Variants in AOPEP observed in about 807,000 individuals in gnomAD.
AOPEP encodes the protein aminopeptidase O.
AOPEP carries 77 observed loss-of-function variants against 98.1 expected under a neutral mutation model. The observed-to-expected ratio is 0.78, with a 90% confidence interval of 0.65 to 0.95. AOPEP has a LOEUF of 0.95. Ranked by LOEUF, AOPEP falls within the 40% of genes least tolerant of loss-of-function variation. The pLI, the probability that AOPEP is intolerant of heterozygous loss-of-function variation, is 0.00. For synonymous variants in AOPEP, 346 were observed against 365.3 expected, an observed-to-expected ratio of 0.95 and a Z score of 0.60; for missense variants, 1,024 against 1,024.7, an observed-to-expected ratio of 1.00 and a Z score of 0.01.
At chr9:94,766,000 G>A (rs1839520548) in intron 2 of AOPEP, among the ~76,000 whole-genome samples, 1 of 152,124 alleles carries the variant, frequency 6.6e-6, no homozygotes, top group South Asian at 2.1e-4. Context: ...TCTGTGGTAC[G>A]CGGGTCTGTG....
chr9:95,057,026 C>T (rs980657929), intron 13 of AOPEP, among the ~76,000 whole-genome samples: 2 of 152,136 alleles, frequency 1.3e-5, no homozygotes, highest in African/African-American at 4.8e-5. Context: ...TCATGAATTT[C>T]TTGTTTATGC....
the AOPEP span, among the ~76,000 whole-genome samples, chr9:95,108,834 A>C: frequency 2.0e-5 from 3 of 151,940 alleles, no homozygotes; most frequent in African/African-American, 4.8e-5. Context: ...AATGCCTTGT[A>C]TCTTTCATTT....
the AOPEP span, chr9:95,100,869 A>G: frequency 4.3e-6 from 1 of 231,472 alleles, no homozygotes; most frequent in Non-Finnish European, 8.5e-6. Flanking sequence ...GGCTGAAGTA[A>G]TCCCCCTGCC....
the AOPEP span, chr9:95,123,733 A>G: frequency 2.9e-6 from 2 of 691,590 alleles, no homozygotes; most frequent in Non-Finnish European, 2.7e-6. Flanking sequence ...ATTTGAAGCT[A>G]CATTACTGTC....
At chr9:94,903,798 A>G (rs10761363) in intron 5 of AOPEP, among the ~76,000 whole-genome samples, 143,474 of 150,746 alleles carry the variant, frequency 0.95, 68,296 homozygotes, top group Middle Eastern at 0.99. Flanking sequence ...GGAGGCTAAG[A>G]CAGGAGAATT....
At position 94,800,892 on chromosome 9, in the gene AOPEP, G is replaced by C. The variant is rs1176737224; in HGVS notation, c.1254G>C (p.Arg418=). 2.5e-6 allele frequency: 4 copies of C among 1,614,022 alleles called. No homozygotes were observed. Residue 418 remains arginine, a synonymous_variant, in exon 5 of 17, where the codon CGG becomes CGC. Coordinates refer to ENST00000375315, the MANE Select transcript of AOPEP (RefSeq NM_001193329.3). ...LTGACQETLL[R]LIPPCLSAAH... is the part of the protein sequence containing the mutation. ...GTGCCTGCCAAGAGACCCTTCTGCG[G>C]CTGATCCCTCCTTGCCTCTCAGCAG...
chr9:95,125,974 C>T, the AOPEP span, among the ~76,000 whole-genome samples: 1 of 152,214 alleles, frequency 6.6e-6, no homozygotes, highest in South Asian at 2.1e-4. Flanking sequence ...CACATCTCAG[C>T]TTCATGGCTG....
At chr9:94,843,862 T>C (rs2134918789) in intron 5 of AOPEP, among the ~76,000 whole-genome samples, 1 of 152,330 alleles carries the variant, frequency 6.6e-6, no homozygotes, top group South Asian at 2.1e-4. Context: ...ATCTCATGTA[T>C]GCCTTGGTGT....
At chr9:95,025,915 G>A (rs2063800388) in intron 13 of AOPEP, among the ~76,000 whole-genome samples, 1 of 152,164 alleles carries the variant, frequency 6.6e-6, no homozygotes, top group South Asian at 2.1e-4. Context: ...GCAGTAATAA[G>A]TAAGCTCCGA....
chr9:95,107,206 G>C, the AOPEP span: 1 of 1,614,182 alleles, frequency 6.2e-7, no homozygotes, highest in Non-Finnish European at 8.5e-7. Context: ...TGCAGGTCCT[G>C]GGCTGAGAGG....
chr9:94,877,252 G>A (rs1289741969), intron 5 of AOPEP, among the ~76,000 whole-genome samples: 1 of 152,102 alleles, frequency 6.6e-6, no homozygotes, highest in Non-Finnish European at 1.5e-5. Flanking sequence ...GGAAAAGAGG[G>A]TTACCTAGTT....
intron 7 of AOPEP, among the ~76,000 whole-genome samples, chr9:94,944,378 A>G (rs1008364125): frequency 6.6e-6 from 1 of 152,212 alleles, no homozygotes; most frequent in African/African-American, 2.4e-5. Context: ...TGTTATATCC[A>G]TACAGTGGAA....
chr9:95,016,003 C>T (rs868670106), intron 13 of AOPEP, among the ~76,000 whole-genome samples: 3 of 151,786 alleles, frequency 2.0e-5, no homozygotes, highest in Non-Finnish European at 4.4e-5. Context: ...TGCCTGGCCC[C>T]GGAAATTGAT....
chr9:95,138,305 T>C, the AOPEP span, among the ~76,000 whole-genome samples: 1 of 152,200 alleles, frequency 6.6e-6, no homozygotes, highest in Non-Finnish European at 1.5e-5. Context: ...GCAGCTTTAC[T>C]GGGTGGGCCA....
intron 5 of AOPEP, among the ~76,000 whole-genome samples, chr9:94,902,785 G>A (rs749513164): frequency 2.5e-4 from 38 of 150,334 alleles, no homozygotes; most frequent in Non-Finnish European, 4.7e-4. Context: ...GCCGGGCACC[G>A]TGGCTCACAC....
chr9:94,806,978 G>A (rs1849391559), intron 5 of AOPEP, among the ~76,000 whole-genome samples: 1 of 152,192 alleles, frequency 6.6e-6, no homozygotes, highest in Admixed American at 6.5e-5. Flanking sequence ...CCAGACTTAG[G>A]CAAGGCTGAT....
At chr9:94,917,075 C>T (rs192125987) in intron 5 of AOPEP, among the ~76,000 whole-genome samples, 9 of 151,696 alleles carry the variant, frequency 5.9e-5, no homozygotes, top group Non-Finnish European at 1.0e-4. Flanking sequence ...ACCCCACCCC[C>T]AGGCTAAGGC....
chr9:95,112,764 T>C, the AOPEP span, among the ~76,000 whole-genome samples: 1 of 152,212 alleles, frequency 6.6e-6, no homozygotes, highest in Non-Finnish European at 1.5e-5. Context: ...CACCAGTAGC[T>C]GAATGCACAA....
Position 94,999,679 on chromosome 9 carries a change from A to G in AOPEP, c.1978-5479A>G, listed in dbSNP as rs1039133638. ...ACAGAGTGCCCATAAGACCAAGTCC[A>G]GGGCCAGCTTTAAAAGTGGTCTGGC... On this transcript the variant is annotated intron_variant, in intron 11 of 16. Transcript: ENST00000375315. Among the ~76,000 whole-genome samples the G allele has an allele frequency of 7.9e-5, 12 of 152,200 alleles. No homozygotes were observed. The South Asian group carries it at 2.5e-3, about 32-fold the overall frequency.
Sources: allele counts gnomAD v4.1 joint callset (sites outside exome capture counted in the v4.1 genomes callset), GRCh38; gene constraint gnomAD v4.1.1; transcripts MANE v1.5; gene names NCBI Gene and HGNC (gene_info 2026-07-23, HGNC 2026-07-21).